Variants in MYH10 observed in about 807,000 individuals in gnomAD.
MYH10 encodes the protein myosin-10.
Under a neutral mutation model 257.8 loss-of-function variants are expected in MYH10, and 55 were observed. The ratio of observed to expected loss-of-function variants is 0.21; its 90% CI spans 0.17 to 0.27. MYH10 has a LOEUF of 0.27. Ranked by LOEUF, MYH10 falls within the 10% of genes least tolerant of loss-of-function variation. MYH10 has a pLI of 1.00. For synonymous variants in MYH10, 854 were observed against 921.7 expected, an observed-to-expected ratio of 0.93 and a Z score of 1.33; for missense variants, 1,631 against 2,500.6, an observed-to-expected ratio of 0.65 and a Z score of 7.42.
chr17:8,544,661 C>T (rs947234689), intron 13 of MYH10, among the ~76,000 whole-genome samples: 2 of 152,062 alleles, frequency 1.3e-5, no homozygotes, highest in Admixed American at 1.3e-4. Flanking sequence ...ACAAAAAGCA[C>T]TTAATATTTG....
chr17:8,606,808 G>A lies in MYH10; in HGVS notation c.346-1826C>T, dbSNP rs71371856. ...GAAGCCTTACTACTGAGCAGACCAG[G>A]AGGTTATCTGTTCGTTCTTTGCCTG... On this transcript the variant is annotated intron_variant, in intron 2 of 42. Transcript: ENST00000360416. Among the ~76,000 whole-genome samples the A allele has an allele frequency of 2.0e-5, 3 of 152,184 alleles. No homozygotes were observed. The South Asian group carries it at 6.2e-4, about 32-fold the overall frequency.
At position 8,506,463 on chromosome 17, in the gene MYH10, G is replaced by A; in HGVS notation, c.3241C>T (p.Arg1081Cys). ...CTTTTGGCCTTTTCCAGTTCCTGAC[G>A]AGTCTTTTCTTCCTTCTTTAAGCGT... ...EERLKKEEKT[R>C]QELEKAKRKL... Residue 1081 changes from arginine to cysteine, a missense_variant, in exon 27 of 43, where the codon CGT (arginine) becomes TGT (cysteine). Physicochemically the swap from Arg to Cys is radical, Grantham distance 180. Coordinates refer to ENST00000360416, the MANE Select transcript of MYH10 (RefSeq NM_001256012.3). The surrounding 1 kb of genome is among the most constrained non-coding windows in gnomAD (Gnocchi z 5.0). 2 of 1,612,016 alleles carry A rather than the reference G, an allele frequency of 1.2e-6. No individual in the cohort carries two copies. Among genetic ancestry groups the A allele is most frequent in the Admixed American group, 1.7e-5 (1 of 59,432 alleles).
rs71159601 is a variant in MYH10 at position 8,592,933 on chromosome 17, CTATATATATATATATA to C, written c.503-3841_503-3826del. 8.0e-3 allele frequency among the ~76,000 whole-genome samples: 360 copies of C among 44,746 alleles called. 47 individuals are homozygous for C. The highest frequency in any genetic ancestry group is 0.023 in the South Asian group (19 of 822). The allele number at this position is 44,746 out of a possible 152,430, so 29.4% of individuals were successfully genotyped here. On this transcript the variant is annotated intron_variant, in intron 3 of 42. Coordinates refer to ENST00000360416, the MANE Select transcript of MYH10 (RefSeq NM_001256012.3). ...CAAAATGTTGGTAAATCAAATCCAG[CTATATATATATATATA>C]TATATATATATATATATATATAAAA...
chr17:8,528,016 T>C (rs1411240817), intron 17 of MYH10, among the ~76,000 whole-genome samples: 1 of 152,228 alleles, frequency 6.6e-6, no homozygotes, highest in Non-Finnish European at 1.5e-5. Context: ...ATATGGAGAT[T>C]AAATGGGTAC....
chr17:8,514,546 T>C (rs1272577739), intron 21 of MYH10, among the ~76,000 whole-genome samples: 2 of 151,978 alleles, frequency 1.3e-5, no homozygotes, highest in Admixed American at 6.5e-5. Context: ...CACAGCAGGG[T>C]CTGAGACCCA....
chr17:8,591,590 C>T (rs542178585), intron 3 of MYH10, among the ~76,000 whole-genome samples: 8 of 152,232 alleles, frequency 5.3e-5, no homozygotes, highest in East Asian at 1.9e-4. Flanking sequence ...TATGGTTTTT[C>T]GAAAGTAGTT....
At chr17:8,496,258 C>A (rs967709486) in intron 30 of MYH10, among the ~76,000 whole-genome samples, 1 of 152,260 alleles carries the variant, frequency 6.6e-6, no homozygotes, top group African/African-American at 2.4e-5. Context: ...CCTCGTCACA[C>A]CGGCCAAGGG....
intron 3 of MYH10, among the ~76,000 whole-genome samples, chr17:8,589,325 C>T (rs1221148839): frequency 6.6e-6 from 1 of 152,106 alleles, no homozygotes; most frequent in South Asian, 2.1e-4. Context: ...GGGTAAATAA[C>T]AGTAACTCAG....
chr17:8,514,745 G>A (rs1371522112), intron 21 of MYH10, among the ~76,000 whole-genome samples: 3 of 151,938 alleles, frequency 2.0e-5, no homozygotes, highest in Non-Finnish European at 4.4e-5. Flanking sequence ...ACAGGCAAAC[G>A]TTCCTATTAC....
intron 21 of MYH10, among the ~76,000 whole-genome samples, chr17:8,516,061 C>T (rs925406852): frequency 2.6e-5 from 4 of 152,140 alleles, no homozygotes; most frequent in African/African-American, 7.2e-5. Context: ...AGAAACATGC[C>T]GGGCACTTTG....
chr17:8,492,152 A>G (rs768064206), intron 34 of MYH10, 145 bp downstream of exon 34: 1 of 787,000 alleles, frequency 1.3e-6, no homozygotes, highest in Non-Finnish European at 2.0e-6. Context: ...TGCACAGGCC[A>G]AAACACTCCT....
Position 8,536,582 on chromosome 17 carries a change from C to T in MYH10, c.1606-651G>A, listed in dbSNP as rs56887246. On this transcript the variant is annotated intron_variant, in intron 14 of 42. Coordinates refer to ENST00000360416, the MANE Select transcript of MYH10 (RefSeq NM_001256012.3). ...TTGGGAGGCCGAGGCAGGTGGATCA[C>T]GAGGTCAGGGGTTTGAGACCAGCCT... is the stretch of plus-strand genomic sequence containing the variant. Among the ~76,000 whole-genome samples, 724 of 152,072 alleles carry T rather than the reference C, an allele frequency of 4.8e-3. 4 individuals carry two copies. Among genetic ancestry groups the T allele is most frequent in the African/African-American group, 0.016 (670 of 41,480 alleles).
At chr17:8,557,825 G>A (rs945204776) in intron 7 of MYH10, among the ~76,000 whole-genome samples, 5 of 152,164 alleles carry the variant, frequency 3.3e-5, no homozygotes, top group South Asian at 2.1e-4. Flanking sequence ...TCTAACACAC[G>A]TGACAGTGAA....
intron 7 of MYH10, among the ~76,000 whole-genome samples, chr17:8,559,287 T>A (rs896188340): frequency 2.0e-5 from 3 of 152,178 alleles, no homozygotes; most frequent in African/African-American, 4.8e-5. Context: ...ACTGACATAA[T>A]GACTAGAAAT....
intron 9 of MYH10, among the ~76,000 whole-genome samples, chr17:8,549,542 CTT>C (rs547955155): frequency 1.2e-3 from 176 of 152,344 alleles, no homozygotes; most frequent in Admixed American, 3.1e-3. Context: ...TCCCAGCTTT[CTT>C]TGTGACTGGC....
chr17:8,510,197 C>T (rs1456428175), intron 24 of MYH10, among the ~76,000 whole-genome samples: 1 of 151,938 alleles, frequency 6.6e-6, no homozygotes, highest in African/African-American at 2.4e-5. Flanking sequence ...CGCCACCACG[C>T]CCGGCTAATT....
chr17:8,588,085 C>T (rs2083978234), intron 4 of MYH10, among the ~76,000 whole-genome samples: 1 of 152,136 alleles, frequency 6.6e-6, no homozygotes, highest in Admixed American at 6.5e-5. Context: ...CCTCCTCATG[C>T]CCCTATGATG....
chr17:8,577,783 TG>T (rs1389606281), intron 4 of MYH10, among the ~76,000 whole-genome samples: 1 of 152,156 alleles, frequency 6.6e-6, no homozygotes. Flanking sequence ...CTGCTCACCT[TG>T]GCCTTTTAAA....
At chr17:8,546,311 A>C (rs1261847582) in intron 12 of MYH10, among the ~76,000 whole-genome samples, 29 of 152,110 alleles carry the variant, frequency 1.9e-4, no homozygotes, top group African/African-American at 7.0e-4. Context: ...TGCCCACCTC[A>C]GCCTCCCAAA....
Sources: gnomAD v4.1 joint callset for allele counts (sites outside exome capture counted in the v4.1 genomes callset) on GRCh38, gnomAD v4.1.1 for gene constraint, Gnocchi (gnomAD v3.1) non-coding constraint, MANE v1.5 for transcripts, NCBI Gene and HGNC (gene_info 2026-07-23, HGNC 2026-07-21) for gene names.